The following SEMA6D variants were observed in gnomAD, a reference collection of about 807,000 sequenced individuals.
SEMA6D encodes the protein semaphorin-6D.
SEMA6D carries 35 observed loss-of-function variants against 106.6 expected under a neutral mutation model. That is an observed-to-expected ratio of 0.33 (90% CI 0.25 to 0.44). SEMA6D has a LOEUF of 0.44. SEMA6D is among the 20% of genes least tolerant of loss of function. The probability of loss-of-function intolerance (pLI) is 1.00; values close to 1 mark genes in which losing one functional copy is unlikely to be tolerated. For synonymous variants in SEMA6D, 499 were observed against 487.7 expected (o/e 1.02, Z -0.31); for missense variants, 1,185 against 1,345.9 (o/e 0.88, Z 1.87).
intron 1 of SEMA6D, among the ~76,000 whole-genome samples, chr15:47,197,623 A>G (rs1475436748): frequency 1.3e-5 from 2 of 151,990 alleles, no homozygotes; most frequent in Non-Finnish European, 2.9e-5. Flanking sequence ...AACTACCACA[A>G]CAAAATTAGT....
chr15:47,370,847 C>G (rs572156763), intron 1 of SEMA6D, among the ~76,000 whole-genome samples: 11 of 152,004 alleles, frequency 7.2e-5, no homozygotes, highest in Non-Finnish European at 1.6e-4. Flanking sequence ...GCCTGGGTGA[C>G]AGAGCGAGAC....
At chr15:47,703,615 T>C (rs1302991735) in intron 4 of SEMA6D, among the ~76,000 whole-genome samples, 1 of 152,210 alleles carries the variant, frequency 6.6e-6, no homozygotes, top group Non-Finnish European at 1.5e-5. Context: ...GTTCCTGTTC[T>C]TTGAATTTGC....
At chr15:47,230,779 A>T (rs143335156) in intron 1 of SEMA6D, among the ~76,000 whole-genome samples, 12 of 152,076 alleles carry the variant, frequency 7.9e-5, no homozygotes, top group African/African-American at 2.6e-4. Context: ...GAGGCCAACA[A>T]TCTAGGTTTT....
intron 1 of SEMA6D, among the ~76,000 whole-genome samples, chr15:47,750,841 A>T (rs758674077): frequency 6.6e-6 from 1 of 152,172 alleles, no homozygotes; most frequent in Admixed American, 6.5e-5. Context: ...TTATTTGTTC[A>T]GATGTGACAC....
intron 3 of SEMA6D, among the ~76,000 whole-genome samples, chr15:47,579,516 A>G (rs1052834774): frequency 1.3e-5 from 2 of 152,144 alleles, no homozygotes; most frequent in Admixed American, 1.3e-4. Flanking sequence ...GCCCTATGTT[A>G]AGAAGGACTG....
At chr15:47,441,795 C>T (rs990133534) in intron 2 of SEMA6D, among the ~76,000 whole-genome samples, 2 of 151,954 alleles carry the variant, frequency 1.3e-5, no homozygotes, top group Non-Finnish European at 2.9e-5. Context: ...GCAGAGAAAG[C>T]ATTTGTAGCC....
At chr15:47,667,964 T>G (rs1486907211) in intron 4 of SEMA6D, among the ~76,000 whole-genome samples, 1 of 152,238 alleles carries the variant, frequency 6.6e-6, no homozygotes, top group Non-Finnish European at 1.5e-5. Context: ...TATTTATTCC[T>G]ATATATTTAT....
chr15:47,212,518 T>G (rs1490846256), intron 1 of SEMA6D, among the ~76,000 whole-genome samples: 2 of 152,228 alleles, frequency 1.3e-5, no homozygotes, highest in African/African-American at 4.8e-5. Flanking sequence ...ATTGTTAGGA[T>G]GATCACTATT....
intron 1 of SEMA6D, among the ~76,000 whole-genome samples, chr15:47,314,910 G>A (rs1318502864): frequency 8.7e-5 from 11 of 126,824 alleles, no homozygotes; most frequent in African/African-American, 3.3e-4. Flanking sequence ...CTGTGGCCCA[G>A]GCGAGAGTGC....
intron 1 of SEMA6D, among the ~76,000 whole-genome samples, chr15:47,317,913 A>G (rs2036746056): frequency 6.6e-6 from 1 of 151,548 alleles, no homozygotes; most frequent in Non-Finnish European, 1.5e-5. Context: ...AATTGGAGAA[A>G]TTCTCATCCT....
chr15:47,494,185 C>A (rs958387085), intron 3 of SEMA6D, among the ~76,000 whole-genome samples: 1 of 152,084 alleles, frequency 6.6e-6, no homozygotes, highest in South Asian at 2.1e-4. Flanking sequence ...CTTGGTGTCA[C>A]CCTCTCTATT....
chr15:47,767,824 G>C (rs190045161), intron 17 of SEMA6D, among the ~76,000 whole-genome samples: 1 of 152,326 alleles, frequency 6.6e-6, no homozygotes, highest in East Asian at 1.9e-4. Flanking sequence ...CGGTCCTATT[G>C]CTGCTTCTAA....
chr15:47,227,469 TC>T, intron 1 of SEMA6D, among the ~76,000 whole-genome samples: 1 of 112,282 alleles, frequency 8.9e-6, no homozygotes, highest in African/African-American at 3.4e-5. Context: ...TCTTTCTTTT[TC>T]TTTCTCTTTC....
intron 2 of SEMA6D, among the ~76,000 whole-genome samples, chr15:47,449,236 A>G (rs143572565): frequency 9.3e-4 from 141 of 152,216 alleles, no homozygotes; most frequent in Middle Eastern, 6.8e-3. Context: ...AGCTTTACCA[A>G]TATTCAATAT....
At chr15:47,302,355 TTTCTTATAC>T (rs1484030886) in intron 1 of SEMA6D, among the ~76,000 whole-genome samples, 1 of 152,224 alleles carries the variant, frequency 6.6e-6, no homozygotes, top group Non-Finnish European at 1.5e-5. Flanking sequence ...AATGCAAACT[TTTCTTATAC>T]AATTTAGATC....
At position 47,692,028 on chromosome 15, in the gene SEMA6D, G is replaced by A. The variant is rs187689072; in HGVS notation, c.-54-67717G>A. Reference sequence around the variant, plus strand: ...AAGAGCAAGAGGAAAAGCATTTCTAGCAAGAATAGTGAAGACAAAGACCCT... The same window carrying A: ...AAGAGCAAGAGGAAAAGCATTTCTAACAAGAATAGTGAAGACAAAGACCCT... On this transcript the variant is annotated intron_variant, in intron 4 of 19. Coordinates refer to the SEMA6D transcript ENST00000558014. 4.2e-3 allele frequency among the ~76,000 whole-genome samples: 644 copies of A among 152,212 alleles called. 7 individuals carry two copies. The highest frequency in any genetic ancestry group is 6.8e-3 in the Middle Eastern group (2 of 294).
At chr15:47,557,384 G>A (rs182618457) in intron 3 of SEMA6D, among the ~76,000 whole-genome samples, 2 of 152,268 alleles carry the variant, frequency 1.3e-5, no homozygotes, top group South Asian at 2.1e-4. Context: ...AGGTTAACAT[G>A]CTCTTAAACA....
intron 1 of SEMA6D, among the ~76,000 whole-genome samples, chr15:47,202,350 G>A (rs560721716): frequency 6.6e-6 from 1 of 151,986 alleles, no homozygotes. Context: ...AGTTGGGCGG[G>A]TGGCCTCAAG....
chr15:47,470,018 G>GA (rs5812397), intron 2 of SEMA6D, among the ~76,000 whole-genome samples: 52 of 148,456 alleles, frequency 3.5e-4, no homozygotes, highest in South Asian at 1.1e-3. Flanking sequence ...CAAATGCAAT[G>GA]AAAAAAAAAA....
Sources: gnomAD v4.1 joint callset for allele counts (sites outside exome capture counted in the v4.1 genomes callset) on GRCh38, gnomAD v4.1.1 for gene constraint, MANE v1.5 for transcripts, NCBI Gene and HGNC (gene_info 2026-07-23, HGNC 2026-07-21) for gene names.